Variants in UAP1L1 observed in about 807,000 individuals in gnomAD.
UAP1L1 encodes UDP-N-acetylglucosamine pyrophosphorylase 1 like 1, also known as UDP-N-acetylhexosamine pyrophosphorylase-like protein 1.
In UAP1L1, 45 loss-of-function variants were observed where a neutral mutation model predicts 45.3. The ratio of observed to expected loss-of-function variants is 0.99; its 90% CI spans 0.78 to 1.27. The LOEUF (loss-of-function observed/expected upper bound fraction) is 1.27. UAP1L1 is among the 50% of genes most tolerant of loss of function. The probability of loss-of-function intolerance (pLI) is 0.00; values close to 1 mark genes in which losing one functional copy is unlikely to be tolerated. For missense variants in UAP1L1, 667 were observed against 694.0 expected (o/e 0.96, Z 0.44); for synonymous variants, 323 against 303.9 (o/e 1.06, Z -0.65).
At chr9:137,079,824 G>A (rs534841902) in intron 5 of UAP1L1, 178 bp from the exon 6 acceptor site, 1 of 709,690 alleles carries the variant, frequency 1.4e-6, no homozygotes, top group Non-Finnish European at 2.3e-6. Flanking sequence ...ATGCAGGGAG[G>A]AGGCCTGTGC....
At chr9:137,080,992 G>A (rs778637509) in intron 7 of UAP1L1, 118 bp downstream of exon 7, 31 of 1,058,244 alleles carry the variant, frequency 2.9e-5, no homozygotes, top group African/African-American at 4.8e-5. Context: ...CTTCCTTCCC[G>A]GCACCACCGC....
rs1382081584 is a variant in UAP1L1 at position 137,078,235 on chromosome 9, A to G, written c.475A>G (p.Thr159Ala). ...GCAGCTGGCCGGTGAGCGCCACGGG[A>G]CCCGCTGCACCGTCCCCTGGTGTGT... Reference protein sequence around the residue: ...VEQLAGERHGTRCTVPWYVMT... With the variant: ...VEQLAGERHGARCTVPWYVMT... The change falls in exon 2 of 9, where the codon ACC (threonine) becomes GCC (alanine). Residue 159 changes from threonine (T) to alanine (A), a missense_variant. Coordinates refer to ENST00000409858, the MANE Select transcript of UAP1L1 (RefSeq NM_207309.3). The G allele has an allele frequency of 6.5e-7, 1 of 1,544,372 alleles. No individual in the cohort carries two copies.
intron 7 of UAP1L1, 33 bp downstream of exon 7, chr9:137,080,907 A>T: frequency 6.6e-7 from 1 of 1,522,146 alleles, no homozygotes; most frequent in Non-Finnish European, 8.8e-7. Flanking sequence ...TACAGCCAGA[A>T]GGGGAGGGCT....
Position 137,080,003 on chromosome 9 carries a change from G to A in UAP1L1, c.1039G>A (p.Glu347Lys), listed in dbSNP as rs148273120. ...TRGFLKAVTR[E>K]FEPLLKPHVA... The stretch of plus-strand genomic sequence containing the variant: ...CCCCTCTGCTCTCCCGTGCCCCAGG[G>A]AGTTTGAGCCTTTGCTGAAGCCACA... The change falls in exon 6 of 9, where the codon GAG becomes AAG. Residue 347 changes from glutamate to lysine, a missense_variant and splice_region_variant. Physicochemically the swap from Glu to Lys is moderately conservative, Grantham distance 56. Coordinates refer to ENST00000409858, the MANE Select transcript of UAP1L1 (RefSeq NM_207309.3). The A allele has an allele frequency of 1.9e-6, 3 of 1,613,410 alleles. No homozygotes were observed. Among genetic ancestry groups the A allele is most frequent in the Non-Finnish European group, 2.5e-6 (3 of 1,179,916 alleles).
At chr9:137,080,910 G>A (rs1832779268) in intron 7 of UAP1L1, 36 bp downstream of exon 7, 3 of 1,514,890 alleles carry the variant, frequency 2.0e-6, no homozygotes, top group Non-Finnish European at 2.6e-6. Context: ...AGCCAGAAGG[G>A]GAGGGCTGTC....
intron 2 of UAP1L1, 85 bp downstream of exon 2, chr9:137,078,339 C>T (rs778736998): frequency 1.7e-5 from 26 of 1,535,892 alleles, no homozygotes; most frequent in Non-Finnish European, 2.0e-5. Flanking sequence ...AGCCCCAACC[C>T]CGGCACAGAC....
At chr9:137,078,461 C>G in intron 2 of UAP1L1, 41 bp from the exon 3 acceptor site, 3 of 1,611,898 alleles carry the variant, frequency 1.9e-6, no homozygotes, top group Non-Finnish European at 2.5e-6. Flanking sequence ...GCCTGCAGGG[C>G]CAGGCGTACT....
At chr9:137,081,050 T>C (rs2049039) in intron 7 of UAP1L1, among the ~76,000 whole-genome samples, 176 bp downstream of exon 7, 152,064 of 152,358 alleles carry the variant, frequency 1, 75,885 homozygotes, top group Middle Eastern at 1. Flanking sequence ...ACACGGTGAC[T>C]GTCGGCACAG....
In UAP1L1 at chr9:137,077,840, C is replaced by A. The variant is rs1832716694; in HGVS notation, c.289+19C>A. The stretch of plus-strand genomic sequence containing the variant: ...GAGGAAGGTAAGCGGGGTGGGAGGC[C>A]CTGGGGGCCGGCAGGGGGTCGTGCC... On this transcript the variant is annotated intron_variant, in intron 1 of 8. Transcript: ENST00000409858. This position sits in a 1 kb window ranked among gnomAD's most constrained non-coding sequence, Gnocchi z 4.7. The A allele has an allele frequency of 1.4e-6, 2 of 1,427,090 alleles. No homozygotes were observed. Among genetic ancestry groups the A allele is most frequent in the African/African-American group, 2.9e-5 (2 of 68,708 alleles). The allele number at this position is 1,427,090 out of a possible 1,614,324, so 88.4% of individuals were successfully genotyped here.
In UAP1L1 at chr9:137,078,115, C is replaced by T. The variant is rs1832722215; in HGVS notation, c.355C>T (p.Leu119=). The T allele has an allele frequency of 6.5e-7, 1 of 1,550,260 alleles. No homozygotes were observed. Among genetic ancestry groups the T allele is most frequent in the Non-Finnish European group, 8.7e-7 (1 of 1,146,892 alleles). ...GCTGGCTGGGGGGCAGGGCACTCGC[C>T]TGGGCGTGACCTACCCCAAGGGTAT... The part of the protein sequence containing the change: ...LLLAGGQGTR[L]GVTYPKGMYR... Residue 119 remains leucine, a synonymous_variant, in exon 2 of 9, where the codon CTG becomes TTG. Transcript: ENST00000409858.
At position 137,080,730 on chromosome 9, in the gene UAP1L1, C is replaced by G; in HGVS notation, c.1220C>G (p.Ser407Cys). The part of the protein sequence containing the change: ...ALEVLREEEF[S>C]PLKNAEPADR... The stretch of plus-strand genomic sequence containing the variant: ...GAAGTGCTGCGGGAGGAGGAATTTT[C>G]CCCACTGAAGAACGCAGAGCCAGCC... The change falls in exon 7 of 9, where the codon TCC becomes TGC. Residue 407 changes from serine to cysteine, a missense_variant. Ser to Cys is a moderately radical substitution (Grantham distance 112). Coordinates refer to ENST00000409858, the MANE Select transcript of UAP1L1 (RefSeq NM_207309.3). 6.2e-7 allele frequency: 1 copy of G among 1,612,620 alleles called. No individual in the cohort carries two copies. The highest frequency in any genetic ancestry group is 8.5e-7 in the Non-Finnish European group (1 of 1,179,782).
Position 137,078,517 on chromosome 9 carries a change from C to T in UAP1L1, c.510C>T (p.Ser170=), listed in dbSNP as rs148746107. ...TCCCTTGCAGGTACGTCATGACCAGCGAGTTCACTCTGGGGCCCACGGCCG... is the reference window on the plus strand; with the variant it reads ...TCCCTTGCAGGTACGTCATGACCAGTGAGTTCACTCTGGGGCCCACGGCCG... ...RCTVPWYVMT[S]EFTLGPTAEF... The change falls in exon 3 of 9, where the codon AGC becomes AGT. Residue 170 remains serine, a synonymous_variant. Coordinates refer to ENST00000409858, the MANE Select transcript of UAP1L1 (RefSeq NM_207309.3). 987 of 1,613,094 alleles carry T rather than the reference C, an allele frequency of 6.1e-4. No individual in the cohort carries two copies. Among genetic ancestry groups the T allele is most frequent in the Non-Finnish European group, 8.0e-4 (949 of 1,180,008 alleles).
In UAP1L1 at chr9:137,082,721, G is replaced by A; in HGVS notation, c.1516G>A (p.Glu506Lys). 6.5e-7 allele frequency: 1 copy of A among 1,549,560 alleles called. No homozygotes were observed. The highest frequency in any genetic ancestry group is 8.7e-7 in the Non-Finnish European group (1 of 1,147,120). ...CCAGGCCAGGGAGCCGCAGCTGCAG[G>A]AGTCCTGACCCGCCCAGACTGTCCC... is the stretch of plus-strand genomic sequence containing the variant. ...EDQAREPQLQ[E>K]S The change falls in exon 9 of 9, where the codon GAG (glutamate) becomes AAG (lysine). Residue 506 changes from glutamate (E) to lysine (K), a missense_variant. Transcript: ENST00000409858. This position sits in a 1 kb window ranked among gnomAD's most constrained non-coding sequence, Gnocchi z 5.7.
At position 137,079,381 on chromosome 9, in the gene UAP1L1, C is replaced by T. The variant is rs766151786; in HGVS notation, c.969C>T (p.Ser323=). Residue 323 remains serine (S), a synonymous_variant, in exon 5 of 9, where the codon AGC becomes AGT. Transcript: ENST00000409858. ...ETAQLRASDG[S]LLYNAGNICN... ...CACAGCTACGTGCCTCCGACGGGAG[C>T]CTGCTGTACAATGCAGGCAACATCT... is the stretch of plus-strand genomic sequence containing the variant. 3 of 1,612,414 alleles carry T rather than the reference C, an allele frequency of 1.9e-6. No individual in the cohort carries two copies. Among genetic ancestry groups the T allele is most frequent in the Non-Finnish European group, 8.5e-7 (1 of 1,179,372 alleles).
Position 137,083,588 on chromosome 9 carries a change from C to T in UAP1L1, c.*859C>T, listed in dbSNP as rs1368826971. 1 of 152,356 alleles carries T rather than the reference C, an allele frequency of 6.6e-6. No homozygotes were observed. Among genetic ancestry groups the T allele is most frequent in the African/African-American group, 2.4e-5 (1 of 41,462 alleles). 9.4% of individuals were successfully genotyped at this position (152,356 alleles called of 1,614,324 possible). On this transcript the variant is annotated 3_prime_UTR_variant, in exon 9 of 9. Coordinates refer to ENST00000409858, the MANE Select transcript of UAP1L1 (RefSeq NM_207309.3). ...GGATTTCATGAGTCAGAGGCACCAC[C>T]CCTCACCCCAGCTGCCTGCTGCTTC...
Position 137,079,149 on chromosome 9 carries a change from G to A in UAP1L1, c.843+1G>A, listed in dbSNP as rs773436091. ...GCAGGGCGCAGACTGTGGCGCCAAG[G>A]TTAGCGCCCGACTGCGCGGCGCCCC... On this transcript the variant is annotated splice_donor_variant, in intron 4 of 8. Transcript: ENST00000409858. LOFTEE classifies it high-confidence loss of function. 6.2e-6 allele frequency: 10 copies of A among 1,609,268 alleles called. 1 individual carries two copies. In the South Asian group the frequency reaches 9.9e-5, roughly 16 times the overall value.
At chr9:137,081,519 A>T (rs934514658) in intron 7 of UAP1L1, among the ~76,000 whole-genome samples, 3 of 150,562 alleles carry the variant, frequency 2.0e-5, no homozygotes, top group African/African-American at 4.9e-5. Flanking sequence ...CTATTTTTTT[A>T]TTTTTATTTT....
chr9:137,082,324 TGG>T lies in UAP1L1; in HGVS notation c.1431+264_1431+265del, dbSNP rs1412442462. On this transcript the variant is annotated intron_variant, in intron 8 of 8. Coordinates refer to ENST00000409858, the MANE Select transcript of UAP1L1 (RefSeq NM_207309.3). The surrounding 1 kb of genome is among the most constrained non-coding windows in gnomAD (Gnocchi z 5.7). ...CAGTGTGGGGCCAGTCAGGCCTTGG[TGG>T]GGGCCTTGCGGAGGGAGGACACCGG... 11 of 601,854 alleles carry T rather than the reference TGG, an allele frequency of 1.8e-5. No individual in the cohort carries two copies. The highest frequency in any genetic ancestry group is 2.6e-5 in the Non-Finnish European group (9 of 339,682). The allele number at this position is 601,854 out of a possible 1,614,324, so 37.3% of individuals were successfully genotyped here.
Position 137,077,771 on chromosome 9 carries a change from G to A in UAP1L1, c.239G>A (p.Gly80Asp). 7.5e-7 allele frequency: 1 copy of A among 1,332,992 alleles called. No homozygotes were observed. The highest frequency in any genetic ancestry group is 1.9e-5 in the South Asian group (1 of 53,668). 82.6% of individuals were successfully genotyped at this position (1,332,992 alleles called of 1,614,324 possible). ...RLRPLPPERV[G>D]RASRSDPETR... ...CGGCCCCTGCCCCCAGAGCGCGTGGGCAGGGCCAGCCGCAGCGACCCCGAG... is the reference window on the plus strand; with the variant it reads ...CGGCCCCTGCCCCCAGAGCGCGTGGACAGGGCCAGCCGCAGCGACCCCGAG... Residue 80 changes from glycine to aspartate, a missense_variant, in exon 1 of 9, where the codon GGC (glycine) becomes GAC (aspartate). Physicochemically the swap from Gly to Asp is moderately conservative, Grantham distance 94. Coordinates refer to ENST00000409858, the MANE Select transcript of UAP1L1 (RefSeq NM_207309.3). The surrounding 1 kb of genome is among the most constrained non-coding windows in gnomAD (Gnocchi z 4.7).
Sources: allele counts gnomAD v4.1 joint callset (sites outside exome capture counted in the v4.1 genomes callset), GRCh38; gene constraint gnomAD v4.1.1; non-coding constraint Gnocchi (gnomAD v3.1); transcripts MANE v1.5; gene names NCBI Gene and HGNC (gene_info 2026-07-23, HGNC 2026-07-21).